SNTG1: variants seen among roughly 807,000 people sequenced by gnomAD.
SNTG1 encodes syntrophin gamma 1.
Under a neutral mutation model 74.7 loss-of-function variants are expected in SNTG1, and 39 were observed. The observed-to-expected ratio is 0.52, with a 90% confidence interval of 0.40 to 0.68. The LOEUF is 0.68. Ranked by LOEUF, SNTG1 falls within the 30% of genes least tolerant of loss-of-function variation. The pLI, the probability that SNTG1 is intolerant of heterozygous loss-of-function variation, is 0.00. For synonymous variants in SNTG1, 254 were observed against 217.1 expected, an observed-to-expected ratio of 1.17 and a Z score of -1.49; for missense variants, 685 against 609.5, an observed-to-expected ratio of 1.12 and a Z score of -1.30.
At chr8:50,501,618 T>A (rs2467209) in intron 8 of SNTG1, among the ~76,000 whole-genome samples, 91,034 of 128,920 alleles carry the variant, frequency 0.71, 30,490 homozygotes, top group East Asian at 0.94. Flanking sequence ...TTTATTTTTT[T>A]TTTTTTTTTT....
chr8:50,004,640 A>G (rs945480500), intron 1 of SNTG1, among the ~76,000 whole-genome samples: 3 of 152,182 alleles, frequency 2.0e-5, no homozygotes, highest in Non-Finnish European at 4.4e-5. Context: ...CCCACTGACA[A>G]TATTTGCTAT....
chr8:50,024,896 C>T (rs538341143), intron 1 of SNTG1, among the ~76,000 whole-genome samples: 81 of 152,116 alleles, frequency 5.3e-4, no homozygotes, highest in African/African-American at 1.8e-3. Context: ...CGTGGCAAGA[C>T]GGACTGGATG....
At chr8:49,995,113 GAGA>G (rs1216542776) in intron 1 of SNTG1, among the ~76,000 whole-genome samples, 1 of 152,130 alleles carries the variant, frequency 6.6e-6, no homozygotes, top group African/African-American at 2.4e-5. Flanking sequence ...AATGAAATAA[GAGA>G]AGAAGAAATA....
chr8:50,163,749 T>G (rs1202089973), intron 1 of SNTG1: 1 of 152,284 alleles, frequency 6.6e-6, no homozygotes, highest in South Asian at 2.1e-4. Flanking sequence ...CCCAAAGTGC[T>G]GGGATTACAG....
intron 17 of SNTG1, among the ~76,000 whole-genome samples, chr8:50,722,623 A>T (rs1332374646): frequency 6.6e-6 from 1 of 152,064 alleles, no homozygotes; most frequent in Non-Finnish European, 1.5e-5. Context: ...TTTCTTTTAT[A>T]TTCTTTAATT....
At chr8:50,304,814 C>T (rs1462393819) in intron 2 of SNTG1, among the ~76,000 whole-genome samples, 8 of 152,122 alleles carry the variant, frequency 5.3e-5, no homozygotes, top group African/African-American at 1.2e-4. Context: ...TTTCTTATGT[C>T]GCAATCTCTC....
intron 1 of SNTG1, among the ~76,000 whole-genome samples, chr8:50,108,821 C>A (rs1563607904): frequency 6.6e-6 from 1 of 152,080 alleles, no homozygotes; most frequent in African/African-American, 2.4e-5. Flanking sequence ...GCTCAAGGAA[C>A]CTTACACTAA....
chr8:50,615,124 G>C (rs2094877531), intron 13 of SNTG1, among the ~76,000 whole-genome samples: 1 of 151,542 alleles, frequency 6.6e-6, no homozygotes, highest in Non-Finnish European at 1.5e-5. Context: ...TTGTTTGTTT[G>C]TTTGTTTTTG....
chr8:50,092,689 G>C (rs1448304160), intron 1 of SNTG1, among the ~76,000 whole-genome samples: 1 of 152,036 alleles, frequency 6.6e-6, no homozygotes, highest in African/African-American at 2.4e-5. Context: ...TTCTTTCACA[G>C]GTATTTCCCT....
chr8:50,617,106 T>C (rs540503071), intron 13 of SNTG1, among the ~76,000 whole-genome samples: 1 of 152,274 alleles, frequency 6.6e-6, no homozygotes, highest in Admixed American at 6.5e-5. Flanking sequence ...CCTGTGATTG[T>C]TTATCTCACT....
intron 15 of SNTG1, among the ~76,000 whole-genome samples, chr8:50,666,684 A>G (rs1196320582): frequency 6.6e-6 from 1 of 152,150 alleles, no homozygotes; most frequent in African/African-American, 2.4e-5. Flanking sequence ...AAATTATTAT[A>G]GAAATCCCTA....
At chr8:49,975,816 AT>A (rs1313869123) in intron 1 of SNTG1, among the ~76,000 whole-genome samples, 2 of 151,272 alleles carry the variant, frequency 1.3e-5, no homozygotes, top group East Asian at 3.9e-4. Context: ...TTGATATATA[AT>A]TTTAACAGTT....
At chr8:50,761,808 A>G (rs1170329217) in intron 18 of SNTG1, among the ~76,000 whole-genome samples, 1 of 151,950 alleles carries the variant, frequency 6.6e-6, no homozygotes, top group Non-Finnish European at 1.5e-5. Flanking sequence ...ACTTAGTTTG[A>G]CTTAGATTGT....
intron 2 of SNTG1, among the ~76,000 whole-genome samples, chr8:50,213,440 T>G (rs2084620224): frequency 6.6e-6 from 1 of 152,224 alleles, no homozygotes; most frequent in South Asian, 2.1e-4. Context: ...TTTTCTGGCA[T>G]ATGAATAAAT....
chr8:49,997,635 C>A lies in SNTG1; in HGVS notation c.-103+85404C>A, dbSNP rs572102880. 7.2e-4 allele frequency among the ~76,000 whole-genome samples: 110 copies of A among 152,300 alleles called. 2 individuals are homozygous for A. The South Asian group carries it at 0.022, about 30-fold the overall frequency. ...TTAGCAATGAGTATATTTGTCACAACTGATCATTCCCATACCCTAGAAATA... is the reference window on the plus strand; with the variant it reads ...TTAGCAATGAGTATATTTGTCACAAATGATCATTCCCATACCCTAGAAATA... On this transcript the variant is annotated intron_variant, in intron 1 of 18. Coordinates refer to ENST00000642720, the MANE Select transcript of SNTG1 (RefSeq NM_018967.5).
At chr8:50,320,137 T>C (rs1427108391) in intron 2 of SNTG1, among the ~76,000 whole-genome samples, 1 of 152,176 alleles carries the variant, frequency 6.6e-6, no homozygotes, top group Non-Finnish European at 1.5e-5. Flanking sequence ...AGACATTGGG[T>C]TCTGGACTTT....
At chr8:50,430,257 T>C (rs1222176531) in intron 4 of SNTG1, among the ~76,000 whole-genome samples, 1 of 152,154 alleles carries the variant, frequency 6.6e-6, no homozygotes, top group East Asian at 1.9e-4. Flanking sequence ...TCTCAAAAAA[T>C]ATATTCTTAG....
intron 1 of SNTG1, among the ~76,000 whole-genome samples, chr8:50,016,745 G>A (rs1038630970): frequency 6.6e-6 from 1 of 151,634 alleles, no homozygotes; most frequent in Non-Finnish European, 1.5e-5. Context: ...AAAGTAATAA[G>A]TCATTAGCAA....
At chr8:50,537,797 C>T (rs1281069154) in intron 11 of SNTG1, among the ~76,000 whole-genome samples, 1 of 152,168 alleles carries the variant, frequency 6.6e-6, no homozygotes, top group East Asian at 1.9e-4. Context: ...GTACTCAACT[C>T]TGCTCTTCTG....
Sources: allele counts gnomAD v4.1 joint callset (sites outside exome capture counted in the v4.1 genomes callset), GRCh38; gene constraint gnomAD v4.1.1; transcripts MANE v1.5; gene names NCBI Gene and HGNC (gene_info 2026-07-23, HGNC 2026-07-21).